CX3CR1: variants seen among roughly 807,000 people sequenced by gnomAD.
The protein encoded by CX3CR1 is C-X3-C motif chemokine receptor 1, also known as CX3C chemokine receptor 1.
For synonymous variants in CX3CR1, 168 were observed against 178.5 expected (o/e 0.94, Z 0.47); for missense variants, 363 against 432.4 (o/e 0.84, Z 1.42).
intron 1 of CX3CR1, among the ~76,000 whole-genome samples, chr3:39,273,722 T>A (rs2040806459): frequency 6.6e-6 from 1 of 152,216 alleles, no homozygotes; most frequent in Non-Finnish European, 1.5e-5. Context: ...CACTACAGCC[T>A]TGAACTCCTG....
chr3:39,275,020 C>A (rs987354383), intron 1 of CX3CR1, among the ~76,000 whole-genome samples: 1 of 152,106 alleles, frequency 6.6e-6, no homozygotes, highest in Non-Finnish European at 1.5e-5. Flanking sequence ...CACCACCATG[C>A]CCAGCTAATT....
the CX3CR1 span, among the ~76,000 whole-genome samples, chr3:39,288,192 C>T: frequency 2.0e-5 from 3 of 152,176 alleles, no homozygotes; most frequent in Non-Finnish European, 2.9e-5. Context: ...ATCACTTGCC[C>T]CATATACTGC....
chr3:39,278,431 AC>A (rs758152507), intron 1 of CX3CR1, among the ~76,000 whole-genome samples: 4 of 151,884 alleles, frequency 2.6e-5, no homozygotes, highest in Non-Finnish European at 5.9e-5. Flanking sequence ...TTCCCAACCC[AC>A]AGTGGTCCTC....
chr3:39,270,542 C>T lies in CX3CR1; in HGVS notation c.-9-4024G>A, dbSNP rs1575208083. 3.3e-5 allele frequency among the ~76,000 whole-genome samples: 5 copies of T among 152,198 alleles called. No homozygotes were observed. The South Asian group carries it at 1.0e-3, about 31-fold the overall frequency. ...TCTGTATATTCTGTCATGCAACAAT[C>T]TCTAAGATATACTGGTAAGTGAAAA... On this transcript the variant is annotated intron_variant, in intron 1 of 1. Transcript: ENST00000399220.
At chr3:39,287,606 T>A in the CX3CR1 span, 20 of 152,224 alleles carry the variant, frequency 1.3e-4, no homozygotes, top group Non-Finnish European at 2.4e-4. Context: ...ATTTGGAATA[T>A]CCTTGAAACT....
chr3:39,271,675 T>C (rs1289547444), intron 1 of CX3CR1, among the ~76,000 whole-genome samples: 1 of 152,232 alleles, frequency 6.6e-6, no homozygotes, highest in Non-Finnish European at 1.5e-5. Flanking sequence ...GAGACTTGTA[T>C]TCTGTGTGCT....
chr3:39,288,995 A>G, the CX3CR1 span, among the ~76,000 whole-genome samples: 1 of 152,126 alleles, frequency 6.6e-6, no homozygotes, highest in Non-Finnish European at 1.5e-5. Context: ...CTCTACTAAA[A>G]GTACAAAAAT....
At chr3:39,290,179 G>A in the CX3CR1 span, among the ~76,000 whole-genome samples, 2 of 152,220 alleles carry the variant, frequency 1.3e-5, no homozygotes, top group African/African-American at 4.8e-5. Context: ...TGCTGGACAC[G>A]TCTAAGGGAG....
the CX3CR1 span, among the ~76,000 whole-genome samples, chr3:39,289,181 A>G: frequency 6.6e-6 from 1 of 152,120 alleles, no homozygotes; most frequent in Admixed American, 6.5e-5. Context: ...GTAAACTTAT[A>G]TGGCAAAGTC....
chr3:39,287,873 G>A, the CX3CR1 span: 1 of 152,202 alleles, frequency 6.6e-6, no homozygotes, highest in East Asian at 1.9e-4. Flanking sequence ...CGGCAACATG[G>A]CTATAATTCC....
At chr3:39,272,037 G>A (rs2040784315) in intron 1 of CX3CR1, among the ~76,000 whole-genome samples, 1 of 152,196 alleles carries the variant, frequency 6.6e-6, no homozygotes, top group Admixed American at 6.5e-5. Context: ...CTTTGTCCCT[G>A]AGGGACACTA....
upstream of CX3CR1, among the ~76,000 whole-genome samples, chr3:39,283,795 TTATA>T (rs59133796): frequency 0.017 from 1,111 of 65,016 alleles, 25 homozygotes; most frequent in Non-Finnish European, 0.023. Context: ...AAAAAAAAAA[TTATA>T]TATATATATA....
At chr3:39,281,524 A>C (rs2040899188), upstream of CX3CR1, 1 of 1,192,736 alleles carries the variant, frequency 8.4e-7, no homozygotes, top group Non-Finnish European at 1.2e-6. Flanking sequence ...TCATGAGCAC[A>C]CATCTCTACC....
intron 1 of CX3CR1, among the ~76,000 whole-genome samples, chr3:39,276,280 A>G (rs1201266148): frequency 6.6e-6 from 1 of 152,246 alleles, no homozygotes; most frequent in Non-Finnish European, 1.5e-5. Flanking sequence ...ACAAGGAAAA[A>G]TGATGAAAGA....
chr3:39,265,417 T>C lies in CX3CR1; in HGVS notation c.*25A>G, dbSNP rs1301641670. Reference sequence around the variant, plus strand: ...AGGTTCAGGAACTCCAGGTTCTCTGTAGACACAAGGCTTTGGGATTCCCTT... The same window carrying C: ...AGGTTCAGGAACTCCAGGTTCTCTGCAGACACAAGGCTTTGGGATTCCCTT... On this transcript the variant is annotated 3_prime_UTR_variant, in exon 2 of 2. Transcript: ENST00000399220. 6.4e-7 allele frequency: 1 copy of C among 1,566,842 alleles called. No individual in the cohort carries two copies. The highest frequency in any genetic ancestry group is 1.4e-5 in the African/African-American group (1 of 73,104).
rs1331751174 is a variant in CX3CR1, at chr3:39,264,457, T to TG, written c.*984dup. On this transcript the variant is annotated 3_prime_UTR_variant, in exon 2 of 2. Coordinates refer to ENST00000399220, the MANE Select transcript of CX3CR1 (RefSeq NM_001337.4). ...GGGTTGGAATCCATCCCTTCTTATT[T>TG]GGGGGCAGGGTTTTTCTATTTCCCT... 1 of 152,398 alleles carries TG rather than the reference T, an allele frequency of 6.6e-6. No homozygotes were observed. Among genetic ancestry groups the TG allele is most frequent in the African/African-American group, 2.4e-5 (1 of 41,444 alleles). The allele number at this position is 152,398 out of a possible 1,614,324, so 9.4% of individuals were successfully genotyped here. A position where few individuals can be genotyped will look rare whatever the true frequency, so the allele number is the denominator to read the frequency against.
At chr3:39,287,886 G>A in the CX3CR1 span, 1 of 152,174 alleles carries the variant, frequency 6.6e-6, no homozygotes, top group African/African-American at 2.4e-5. Context: ...ATAATTCCTG[G>A]ATGGTGACAT....
Position 39,266,159 on chromosome 3 carries a change from T to C in CX3CR1, c.351A>G (p.Ile117Met), listed in dbSNP as rs1297070277. Residue 117 changes from isoleucine (I) to methionine (M), a missense_variant, in exon 2 of 2, where the codon ATA becomes ATG. Coordinates refer to ENST00000399220, the MANE Select transcript of CX3CR1 (RefSeq NM_001337.4). The stretch of plus-strand genomic sequence containing the variant: ...CAATGCTGATGACGGTGATGAAGAA[T>C]ATGCTTCCAAAAAAGCCGATGAAGA... The part of the protein sequence containing the change: ...AFFFIGFFGS[I>M]FFITVISIDR... The C allele has an allele frequency of 1.2e-6, 2 of 1,614,080 alleles. No individual in the cohort carries two copies. Among genetic ancestry groups the C allele is most frequent in the Non-Finnish European group, 1.7e-6 (2 of 1,180,050 alleles).
rs1028583680 is a variant in CX3CR1 at position 39,264,567 on chromosome 3, G to C, written c.*875C>G. 6.6e-6 allele frequency: 1 copy of C among 152,324 alleles called. No individual in the cohort carries two copies. The highest frequency in any genetic ancestry group is 2.4e-5 in the African/African-American group (1 of 41,440). The allele number at this position is 152,324 out of a possible 1,614,324, so 9.4% of individuals were successfully genotyped here. On this transcript the variant is annotated 3_prime_UTR_variant, in exon 2 of 2. Coordinates refer to ENST00000399220, the MANE Select transcript of CX3CR1 (RefSeq NM_001337.4). ...ATGGGTGGAGTCCTTTGGGAAGGAG[G>C]AGGCAATGGGGAATCTATTGGTAGG...
Sources: gnomAD v4.1 joint callset for allele counts (sites outside exome capture counted in the v4.1 genomes callset) on GRCh38, gnomAD v4.1.1 for gene constraint, MANE v1.5 for transcripts, NCBI Gene and HGNC (gene_info 2026-07-23, HGNC 2026-07-21) for gene names.